Variants in SCAMP4 observed in about 807,000 individuals in gnomAD.
The protein encoded by SCAMP4 is secretory carrier membrane protein 4.
In SCAMP4, 19 loss-of-function variants were observed where a neutral mutation model predicts 32.1. The observed-to-expected ratio is 0.59, with a 90% confidence interval of 0.41 to 0.87. The LOEUF (loss-of-function observed/expected upper bound fraction) is 0.87. Ranked by LOEUF, SCAMP4 falls within the 40% of genes least tolerant of loss-of-function variation. The pLI, the probability that SCAMP4 is intolerant of heterozygous loss-of-function variation, is 0.00. For synonymous variants in SCAMP4, 152 were observed against 132.7 expected (o/e 1.15, Z -1.00); for missense variants, 302 against 309.0 (o/e 0.98, Z 0.17).
intron 2 of SCAMP4, among the ~76,000 whole-genome samples, chr19:1,917,313 G>A (rs1183208435): frequency 2.7e-5 from 4 of 147,302 alleles, no homozygotes; most frequent in African/African-American, 1.1e-4. Context: ...CTCAAAAAAA[G>A]AGTCATAAAC....
chr19:1,911,118 G>T (rs1599237392), intron 1 of SCAMP4, among the ~76,000 whole-genome samples: 1 of 151,976 alleles, frequency 6.6e-6, no homozygotes, highest in South Asian at 2.1e-4. Context: ...CTTGTGATCC[G>T]CCTGCCTCGG....
intron 1 of SCAMP4, chr19:1,913,187 C>A (rs1245847007): frequency 1.4e-6 from 2 of 1,474,690 alleles, no homozygotes. Flanking sequence ...TTCCCGCTCC[C>A]GGCCGTGGGG....
chr19:1,921,883 G>A, intron 5 of SCAMP4: 1 of 985,462 alleles, frequency 1.0e-6, no homozygotes, highest in Non-Finnish European at 1.2e-6. Flanking sequence ...GAGGCTCCAA[G>A]CAGGCGAACA....
At position 1,917,707 on chromosome 19, in the gene SCAMP4, C is replaced by T. The variant is rs1169259458; in HGVS notation, c.21C>T (p.Asn7=). ...CTGTCCCTACAGAAAAGGAGAACAA[C>T]TTCCCGCCACTGCCCAAGTTCATCC... MSEKEN[N]FPPLPKFIPV... is the part of the protein sequence containing the mutation. The change falls in exon 3 of 7, where the codon AAC becomes AAT. Residue 7 remains asparagine (N), a synonymous_variant. Transcript: ENST00000316097. 4 of 1,613,996 alleles carry T rather than the reference C, an allele frequency of 2.5e-6. No individual in the cohort carries two copies. In the Admixed American group the frequency reaches 6.7e-5, roughly 27 times the overall value.
chr19:1,916,394 G>A (rs1041116767), intron 2 of SCAMP4, among the ~76,000 whole-genome samples: 4 of 152,164 alleles, frequency 2.6e-5, no homozygotes, highest in Admixed American at 6.5e-5. Flanking sequence ...CAGAGGGAGC[G>A]CGTTCCTGAG....
At chr19:1,912,964 CCTGCGCCAT>C (rs1335292247) in intron 1 of SCAMP4, 4 of 1,610,222 alleles carry the variant, frequency 2.5e-6, no homozygotes, top group East Asian at 2.2e-5. Flanking sequence ...ACCCGCGAGC[CCTGCGCCAT>C]GTGCGCCATG....
Position 1,905,416 on chromosome 19 carries a change from T to TGCGCTC in SCAMP4, c.-60_-55dup. The stretch of plus-strand genomic sequence containing the variant: ...CGGTTGCTAAGACTTGGCGAAGCGC[T>TGCGCTC]GCGCTCGCGCCCGGATCCCTCAGGT... On this transcript the variant is annotated 5_prime_UTR_variant, in exon 1 of 7. Coordinates refer to ENST00000316097, the MANE Select transcript of SCAMP4 (RefSeq NM_079834.4). 2.2e-6 allele frequency: 1 copy of TGCGCTC among 463,290 alleles called. No homozygotes were observed. The highest frequency in any genetic ancestry group is 4.5e-6 in the Non-Finnish European group (1 of 223,758). 28.7% of individuals were successfully genotyped at this position (463,290 alleles called of 1,614,324 possible). A position where few individuals can be genotyped will look rare whatever the true frequency, so the allele number is the denominator to read the frequency against.
At position 1,924,356 on chromosome 19, in the gene SCAMP4, G is replaced by A. The variant is rs868179027; in HGVS notation, c.*72G>A. The A allele has an allele frequency of 6.9e-7, 1 of 1,447,024 alleles. No individual in the cohort carries two copies. The highest frequency in any genetic ancestry group is 1.4e-5 in the African/African-American group (1 of 71,174). The allele number at this position is 1,447,024 out of a possible 1,614,324, so 89.6% of individuals were successfully genotyped here. Reference sequence around the variant, plus strand: ...TCCTGCTGCTACCCCTGGTCCCGAGGGCTGGGAGTACCTGGGGCCCCATCC... The same window carrying A: ...TCCTGCTGCTACCCCTGGTCCCGAGAGCTGGGAGTACCTGGGGCCCCATCC... On this transcript the variant is annotated 3_prime_UTR_variant, in exon 7 of 7. Transcript: ENST00000316097.
chr19:1,911,154 C>G (rs574143985), intron 1 of SCAMP4, among the ~76,000 whole-genome samples: 1 of 151,928 alleles, frequency 6.6e-6, no homozygotes, highest in African/African-American at 2.4e-5. Context: ...GGATTACAGG[C>G]GTGAGCCACC....
intron 5 of SCAMP4, chr19:1,921,428 G>C: frequency 1.0e-6 from 1 of 985,412 alleles, no homozygotes; most frequent in South Asian, 4.7e-5. Flanking sequence ...CGGCAGCCAG[G>C]TACTGAGGAC....
intron 3 of SCAMP4, 40 bp from the exon 4 acceptor site, chr19:1,918,087 C>T (rs1444964227): frequency 6.3e-7 from 1 of 1,582,096 alleles, no homozygotes; most frequent in African/African-American, 1.3e-5. Flanking sequence ...CGGCCACACC[C>T]TCCCGTGCCT....
intron 1 of SCAMP4, chr19:1,913,350 G>T (rs1037193354): frequency 1.3e-6 from 1 of 792,706 alleles, no homozygotes; most frequent in East Asian, 2.9e-5. Context: ...CCCCGTGCCA[G>T]CGGTGCCCTT....
rs910674321 is a variant in SCAMP4, at chr19:1,924,498, AGCCCTTG to A, written c.*218_*224del. 2.9e-5 allele frequency: 17 copies of A among 585,942 alleles called. No individual in the cohort carries two copies. The highest frequency in any genetic ancestry group is 4.6e-5 in the Non-Finnish European group (15 of 326,694). 36.3% of individuals were successfully genotyped at this position (585,942 alleles called of 1,614,324 possible). On this transcript the variant is annotated 3_prime_UTR_variant, in exon 7 of 7. Coordinates refer to ENST00000316097, the MANE Select transcript of SCAMP4 (RefSeq NM_079834.4). ...GAGTTCCTCACAAGCACTCCCCAGC[AGCCCTTG>A]GCCTCTGCCGTCCACAGGACGCCCT...
chr19:1,918,652 C>T (rs1170973445), intron 4 of SCAMP4: 4 of 607,686 alleles, frequency 6.6e-6, no homozygotes, highest in African/African-American at 5.6e-5. Context: ...ATCCCAGCTA[C>T]TCAGGAGGCT....
chr19:1,908,498 G>A lies in SCAMP4; in HGVS notation c.-42+3059G>A, dbSNP rs1242261329. On this transcript the variant is annotated intron_variant, in intron 1 of 6. Coordinates refer to ENST00000316097, the MANE Select transcript of SCAMP4 (RefSeq NM_079834.4). The surrounding 1 kb of genome is among the most constrained non-coding windows in gnomAD (Gnocchi z 4.2). Reference sequence around the variant, plus strand: ...CACATCCCTGTCTGCGGGAGGAGCCGTCCATACCAGCGGGGATGTGTAGTC... The same window carrying A: ...CACATCCCTGTCTGCGGGAGGAGCCATCCATACCAGCGGGGATGTGTAGTC... 4 of 471,062 alleles carry A rather than the reference G, an allele frequency of 8.5e-6. No individual in the cohort carries two copies. The highest frequency in any genetic ancestry group is 8.8e-6 in the Non-Finnish European group (2 of 227,020). 29.2% of individuals were successfully genotyped at this position (471,062 alleles called of 1,614,324 possible).
chr19:1,918,934 A>C lies in SCAMP4; in HGVS notation c.339A>C (p.Gly113=). ...FNFMAFFFIF[G]AQFVLTVIQA... ...TCATGGCGTTTTTCTTCATCTTCGGAGCCCAGTTTGTCCTGACCGTCATCC... is the reference window on the plus strand; with the variant it reads ...TCATGGCGTTTTTCTTCATCTTCGGCGCCCAGTTTGTCCTGACCGTCATCC... Residue 113 remains glycine (G), a synonymous_variant, in exon 5 of 7, where the codon GGA becomes GGC. Transcript: ENST00000316097. The C allele has an allele frequency of 6.2e-7, 1 of 1,612,408 alleles. No homozygotes were observed. The highest frequency in any genetic ancestry group is 8.5e-7 in the Non-Finnish European group (1 of 1,179,342).
In SCAMP4 at chr19:1,924,256, G is replaced by C. The variant is rs1243990187; in HGVS notation, c.662G>C (p.Ser221Thr). The change falls in exon 7 of 7, where the codon AGC becomes ACC. Residue 221 changes from serine (S) to threonine (T), a missense_variant. Coordinates refer to ENST00000316097, the MANE Select transcript of SCAMP4 (RefSeq NM_079834.4). ...NSLPEYPTVP[S>T]YPGSGQWP Reference sequence around the variant, plus strand: ...CTGCCCGAGTACCCCACTGTGCCCAGCTACCCGGGCAGTGGCCAGTGGCCT... The same window carrying C: ...CTGCCCGAGTACCCCACTGTGCCCACCTACCCGGGCAGTGGCCAGTGGCCT... 6.2e-7 allele frequency: 1 copy of C among 1,601,326 alleles called. No individual in the cohort carries two copies. The highest frequency in any genetic ancestry group is 1.3e-5 in the African/African-American group (1 of 74,662).
intron 1 of SCAMP4, chr19:1,912,117 G>A (rs1470588662): frequency 5.2e-6 from 8 of 1,535,358 alleles, no homozygotes; most frequent in African/African-American, 1.4e-5. Flanking sequence ...CCCGGGCCTC[G>A]TGGAGCAGCC....
In SCAMP4 at chr19:1,924,281, T is replaced by C; in HGVS notation, c.687T>C (p.Pro229=). ...VPSYPGSGQW[P] is the part of the protein sequence containing the mutation. ...GCTACCCGGGCAGTGGCCAGTGGCC[T>C]TAGAGGGAGCCTGCCCTGCCCCCAC... Residue 229 remains proline, a synonymous_variant, in exon 7 of 7, where the codon CCT becomes CCC. Coordinates refer to ENST00000316097, the MANE Select transcript of SCAMP4 (RefSeq NM_079834.4). 6.3e-7 allele frequency: 1 copy of C among 1,589,688 alleles called. No homozygotes were observed. Among genetic ancestry groups the C allele is most frequent in the Non-Finnish European group, 8.6e-7 (1 of 1,169,488 alleles).
Sources: allele counts gnomAD v4.1 joint callset (sites outside exome capture counted in the v4.1 genomes callset), GRCh38; gene constraint gnomAD v4.1.1; non-coding constraint Gnocchi (gnomAD v3.1); transcripts MANE v1.5; gene names NCBI Gene and HGNC (gene_info 2026-07-23, HGNC 2026-07-21).